The following DNER variants were observed in gnomAD, a reference collection of about 807,000 sequenced individuals.
DNER encodes the protein delta/notch like EGF repeat containing, also known as delta and Notch-like epidermal growth factor-related receptor.
A neutral mutation model predicts 78.2 loss-of-function variants in DNER; 33 were observed. The observed-to-expected ratio is 0.42, with a 90% confidence interval of 0.32 to 0.56. The LOEUF (loss-of-function observed/expected upper bound fraction) is 0.56. Among genes scored for constraint, DNER ranks in the 20% least tolerant of loss-of-function variants. The pLI is 0.11. For missense variants in DNER, 918 were observed against 975.3 expected (o/e 0.94, Z 0.78); for synonymous variants, 417 against 384.8 (o/e 1.08, Z -0.98).
intron 8 of DNER, among the ~76,000 whole-genome samples, chr2:229,433,802 G>A (rs980488467): frequency 1.3e-5 from 2 of 152,160 alleles, no homozygotes; most frequent in African/African-American, 4.8e-5. Context: ...AAGATTAAGT[G>A]TGTTTCAAAT....
chr2:229,694,070 A>G (rs539186798), intron 1 of DNER, among the ~76,000 whole-genome samples: 1 of 152,352 alleles, frequency 6.6e-6, no homozygotes, highest in South Asian at 2.1e-4. Context: ...CTTCAGCTCC[A>G]GCCATGGCTA....
intron 5 of DNER, among the ~76,000 whole-genome samples, chr2:229,545,268 T>C (rs759554691): frequency 5.3e-5 from 8 of 152,146 alleles, no homozygotes; most frequent in Non-Finnish European, 1.0e-4. Context: ...TGGATCCACC[T>C]GCAAAATATT....
At chr2:229,376,187 A>G (rs1030040883) in intron 11 of DNER, among the ~76,000 whole-genome samples, 15 of 152,204 alleles carry the variant, frequency 9.9e-5, no homozygotes, top group African/African-American at 3.6e-4. Flanking sequence ...AAACAAACTA[A>G]TAAACTAATC....
intron 12 of DNER, among the ~76,000 whole-genome samples, chr2:229,359,785 G>A (rs1379444837): frequency 2.0e-5 from 3 of 152,086 alleles, no homozygotes; most frequent in Non-Finnish European, 4.4e-5. Context: ...TTCTTCATGT[G>A]ATCTTTCATT....
chr2:229,402,972 T>C (rs539493374), intron 10 of DNER, among the ~76,000 whole-genome samples: 18 of 152,262 alleles, frequency 1.2e-4, no homozygotes, highest in African/African-American at 4.1e-4. Context: ...AGGAAGCGTA[T>C]TTTCAGCCAG....
chr2:229,566,364 T>C (rs1311621232), intron 4 of DNER, among the ~76,000 whole-genome samples: 2 of 152,206 alleles, frequency 1.3e-5, no homozygotes, highest in Non-Finnish European at 2.9e-5. Flanking sequence ...ATTTCTCATT[T>C]GGGTTGCATT....
At chr2:229,644,044 T>C (rs1461540406) in intron 1 of DNER, among the ~76,000 whole-genome samples, 1 of 152,168 alleles carries the variant, frequency 6.6e-6, no homozygotes, top group Non-Finnish European at 1.5e-5. Flanking sequence ...CTGTTCATGA[T>C]GCAGACTAGT....
intron 5 of DNER, among the ~76,000 whole-genome samples, chr2:229,514,424 T>A (rs140684250): frequency 4.2e-4 from 64 of 152,340 alleles, no homozygotes; most frequent in African/African-American, 1.3e-3. Context: ...CTCAGAGGGA[T>A]GCTTGTAGAA....
chr2:229,422,845 C>A (rs1409559427), intron 8 of DNER, among the ~76,000 whole-genome samples: 2 of 151,978 alleles, frequency 1.3e-5, no homozygotes, highest in African/African-American at 4.8e-5. Context: ...GAACAAAGAG[C>A]CAGATCAAGA....
intron 5 of DNER, among the ~76,000 whole-genome samples, chr2:229,542,016 C>T (rs1696525410): frequency 6.8e-6 from 1 of 146,840 alleles, no homozygotes; most frequent in African/African-American, 2.5e-5. Flanking sequence ...TATATATAAT[C>T]GCCATCCAAT....
In DNER at chr2:229,591,944, C is replaced by T. The variant is rs1559176170; in HGVS notation, c.277-56G>A. ...TCCCTCATAAGAAAAGTGGTGCCAT[C>T]GCTGGGAAATTAGCTCTGTGTCTCA... On this transcript the variant is annotated intron_variant, in intron 1 of 12. Transcript: ENST00000341772. The surrounding 1 kb of genome is among the most constrained non-coding windows in gnomAD (Gnocchi z 4.6). The T allele has an allele frequency of 3.4e-6, 5 of 1,450,022 alleles. No individual in the cohort carries two copies. Among genetic ancestry groups the T allele is most frequent in the East Asian group, 2.5e-5 (1 of 40,252 alleles). The allele number at this position is 1,450,022 out of a possible 1,614,324, so 89.8% of individuals were successfully genotyped here.
chr2:229,463,312 C>A (rs913957322), intron 7 of DNER, among the ~76,000 whole-genome samples: 2 of 150,842 alleles, frequency 1.3e-5, no homozygotes, highest in Admixed American at 6.6e-5. Context: ...TTAGGAAAAG[C>A]AAATTGACAA....
intron 1 of DNER, among the ~76,000 whole-genome samples, chr2:229,688,527 G>C (rs541598397): frequency 1.3e-5 from 2 of 152,350 alleles, no homozygotes; most frequent in Admixed American, 6.5e-5. Context: ...GTTTGTGGAA[G>C]ATGCCGCTAG....
At chr2:229,625,040 T>C (rs1698312711) in intron 1 of DNER, among the ~76,000 whole-genome samples, 1 of 152,190 alleles carries the variant, frequency 6.6e-6, no homozygotes, top group African/African-American at 2.4e-5. Flanking sequence ...TTTCATTTTA[T>C]TATTTTGTTT....
At chr2:229,438,056 A>T (rs2106358232) in intron 8 of DNER, among the ~76,000 whole-genome samples, 1 of 152,332 alleles carries the variant, frequency 6.6e-6, no homozygotes, top group East Asian at 1.9e-4. Context: ...CATCAAATCA[A>T]ATAAAATCAT....
chr2:229,367,908 T>C (rs1692387566), intron 11 of DNER, among the ~76,000 whole-genome samples: 1 of 152,228 alleles, frequency 6.6e-6, no homozygotes, highest in African/African-American at 2.4e-5. Flanking sequence ...TGTGTGAAGA[T>C]GCTTATCTTC....
chr2:229,587,189 A>G (rs961731200), intron 3 of DNER: 27 of 164,162 alleles, frequency 1.6e-4, no homozygotes, highest in African/African-American at 6.2e-4. Flanking sequence ...TTTTAAGAGT[A>G]AAGGAAACTA....
intron 1 of DNER, among the ~76,000 whole-genome samples, chr2:229,643,324 G>A (rs1698660568): frequency 6.6e-6 from 1 of 152,200 alleles, no homozygotes; most frequent in Admixed American, 6.5e-5. Flanking sequence ...GTTTCCCAGT[G>A]AATACTGTGA....
intron 6 of DNER, among the ~76,000 whole-genome samples, chr2:229,484,538 T>G (rs950217823): frequency 2.0e-5 from 3 of 152,116 alleles, no homozygotes; most frequent in Non-Finnish European, 4.4e-5. Flanking sequence ...ACTCTTCATT[T>G]TGTTGTTGTT....
Sources: allele counts gnomAD v4.1 joint callset (sites outside exome capture counted in the v4.1 genomes callset), GRCh38; gene constraint gnomAD v4.1.1; non-coding constraint Gnocchi (gnomAD v3.1); transcripts MANE v1.5; gene names NCBI Gene and HGNC (gene_info 2026-07-23, HGNC 2026-07-21).